Variants in PUS7L observed in about 807,000 individuals in gnomAD.
The protein encoded by PUS7L is pseudouridine synthase 7 like.
In PUS7L, 49 loss-of-function variants were observed where a neutral mutation model predicts 51.1. The ratio of observed to expected loss-of-function variants is 0.96; its 90% CI spans 0.76 to 1.22. The LOEUF (loss-of-function observed/expected upper bound fraction) is 1.22, where lower values mean the gene tolerates loss of function less well. Among genes scored for constraint, PUS7L ranks in the 50% most tolerant of loss-of-function variants. PUS7L has a pLI of 0.00. For synonymous variants in PUS7L, 277 were observed against 276.2 expected, an observed-to-expected ratio of 1.00 and a Z score of -0.03; for missense variants, 828 against 820.6, an observed-to-expected ratio of 1.01 and a Z score of -0.11.
intron 2 of PUS7L, among the ~76,000 whole-genome samples, chr12:43,754,075 A>G (rs1343471166): frequency 6.6e-6 from 1 of 152,222 alleles, no homozygotes; most frequent in Non-Finnish European, 1.5e-5. Flanking sequence ...ATTTGTGAAT[A>G]GGCTAATATA....
chr12:43,742,710 A>G, intron 4 of PUS7L, 155 bp from the exon 5 acceptor site: 6 of 914,988 alleles, frequency 6.6e-6, no homozygotes, highest in Non-Finnish European at 7.8e-6. Context: ...AAAATGCTGT[A>G]AATTAAAGAA....
chr12:43,747,342 ATTATT>A (rs1318624667), intron 3 of PUS7L, among the ~76,000 whole-genome samples: 13 of 152,216 alleles, frequency 8.5e-5, no homozygotes, highest in Admixed American at 2.6e-4. Flanking sequence ...ATCTAACAAT[ATTATT>A]TTATTTTATA....
intron 5 of PUS7L, 62 bp from the exon 6 acceptor site, chr12:43,738,453 A>G (rs1178373173): frequency 2.3e-6 from 2 of 875,580 alleles, no homozygotes; most frequent in Non-Finnish European, 3.8e-6. Context: ...TCTTTAAAAA[A>G]AGATGCAAAT....
chr12:43,724,882 T>C lies in PUS7L; in HGVS notation c.*5494A>G, dbSNP rs1156557593. On this transcript the variant is annotated 3_prime_UTR_variant, in exon 9 of 9. Transcript: ENST00000344862. ...AAATTTAGTTTTAAAGGAAACATAA[T>C]ACCATCACATAAACAGGAAGCCAGA... 1 of 152,178 alleles carries C rather than the reference T, an allele frequency of 6.6e-6. No homozygotes were observed. Among genetic ancestry groups the C allele is most frequent in the East Asian group, 1.9e-4 (1 of 5,204 alleles). 9.4% of individuals were successfully genotyped at this position (152,178 alleles called of 1,614,324 possible). A position where few individuals can be genotyped will look rare whatever the true frequency, so the allele number is the denominator to read the frequency against.
chr12:43,738,026 T>C (rs1937694214), intron 6 of PUS7L: 1 of 276,058 alleles, frequency 3.6e-6, no homozygotes, highest in Admixed American at 4.9e-5. Flanking sequence ...CAGATTCGAA[T>C]TTGGAACTCT....
intron 4 of PUS7L, among the ~76,000 whole-genome samples, chr12:43,743,556 G>A (rs951536502): frequency 6.6e-6 from 1 of 152,180 alleles, no homozygotes; most frequent in Non-Finnish European, 1.5e-5. Flanking sequence ...GAGCTCAGGA[G>A]ATGGAGACCA....
Position 43,755,052 on chromosome 12 carries a change from T to C in PUS7L, c.194A>G (p.Asn65Ser). ...FKISEIQLEP[N>S]NFPKKPKLDL... ...TAGTTTTGGTTTTTTGGGAAAATTA[T>C]TTGGCTCAAGTTGTATTTCACTAAT... Residue 65 changes from asparagine to serine, a missense_variant, in exon 2 of 9, where the codon AAT (asparagine) becomes AGT (serine). Transcript: ENST00000344862. The C allele has an allele frequency of 6.2e-7, 1 of 1,613,306 alleles. No individual in the cohort carries two copies. The highest frequency in any genetic ancestry group is 8.5e-7 in the Non-Finnish European group (1 of 1,179,624).
At position 43,754,675 on chromosome 12, in the gene PUS7L, T is replaced by C; in HGVS notation, c.571A>G (p.Lys191Glu). Reference protein sequence around the residue: ...QKFPFLVTVGKNSEIVVKPNL... With the variant: ...QKFPFLVTVGENSEIVVKPNL... ...GGTTTTACAACAATTTCACTGTTTT[T>C]TCCTACAGTTACTAAAAATGGAAAT... Residue 191 changes from lysine to glutamate, a missense_variant, in exon 2 of 9, where the codon AAA becomes GAA. Physicochemically the swap from Lys to Glu is moderately conservative, Grantham distance 56. Transcript: ENST00000344862. The C allele has an allele frequency of 6.2e-7, 1 of 1,613,806 alleles. No individual in the cohort carries two copies. The highest frequency in any genetic ancestry group is 8.5e-7 in the Non-Finnish European group (1 of 1,179,756).
At position 43,721,083 on chromosome 12, in the gene PUS7L, A is replaced by C. The variant is rs538728914; in HGVS notation, c.*9293T>G. On this transcript the variant is annotated 3_prime_UTR_variant, in exon 9 of 9. Coordinates refer to ENST00000344862, the MANE Select transcript of PUS7L (RefSeq NM_031292.5). ...TCCCCAACTTTCCTTAATGTCATAAAGTTTTAGAAATATGCAGATAAATTC... is the reference window on the plus strand; with the variant it reads ...TCCCCAACTTTCCTTAATGTCATAACGTTTTAGAAATATGCAGATAAATTC... 2.1e-4 allele frequency: 32 copies of C among 152,286 alleles called. No individual in the cohort carries two copies. The highest frequency in any genetic ancestry group is 7.2e-4 in the African/African-American group (30 of 41,548). The allele number at this position is 152,286 out of a possible 1,614,324, so 9.4% of individuals were successfully genotyped here.
At chr12:43,743,070 C>T (rs572588944) in intron 4 of PUS7L, among the ~76,000 whole-genome samples, 25 of 152,316 alleles carry the variant, frequency 1.6e-4, no homozygotes, top group Non-Finnish European at 3.2e-4. Flanking sequence ...AATGGAGCCA[C>T]TTCAGCAGTA....
chr12:43,750,477 A>G (rs1668661275), intron 2 of PUS7L, among the ~76,000 whole-genome samples: 1 of 152,254 alleles, frequency 6.6e-6, no homozygotes, highest in African/African-American at 2.4e-5. Flanking sequence ...AAGGGTCACT[A>G]AATTTATAAG....
At chr12:43,750,715 T>C (rs747464974) in intron 2 of PUS7L, among the ~76,000 whole-genome samples, 4 of 152,100 alleles carry the variant, frequency 2.6e-5, no homozygotes, top group Non-Finnish European at 4.4e-5. Flanking sequence ...CACAAAACTG[T>C]AATCTAAAAG....
intron 2 of PUS7L, among the ~76,000 whole-genome samples, chr12:43,751,776 G>C (rs1366494236): frequency 2.0e-5 from 3 of 152,176 alleles, no homozygotes; most frequent in Non-Finnish European, 4.4e-5. Flanking sequence ...TTGCCACACT[G>C]TCTTCCACAA....
Position 43,722,378 on chromosome 12 carries a change from C to T in PUS7L, c.*7998G>A, listed in dbSNP as rs1944407191. 6.6e-6 allele frequency: 1 copy of T among 151,906 alleles called. No homozygotes were observed. Among genetic ancestry groups the T allele is most frequent in the South Asian group, 2.1e-4 (1 of 4,816 alleles). 9.4% of individuals were successfully genotyped at this position (151,906 alleles called of 1,614,324 possible). A position where few individuals can be genotyped will look rare whatever the true frequency, so the allele number is the denominator to read the frequency against. ...GACTAGAGTGAAAAACGAAGGCCAC[C>T]CAGTTAGAACATTATTATAATCATC... On this transcript the variant is annotated 3_prime_UTR_variant, in exon 9 of 9. Transcript: ENST00000344862.
Position 43,729,854 on chromosome 12 carries a change from T to A in PUS7L, c.*522A>T, listed in dbSNP as rs761314127. The stretch of plus-strand genomic sequence containing the variant: ...TCTCACAAAGAGGTAATAACTACTC[T>A]GGGGTATCTATCACAAACAGAGGTA... On this transcript the variant is annotated 3_prime_UTR_variant, in exon 9 of 9. Transcript: ENST00000344862. The A allele has an allele frequency of 6.5e-6, 1 of 153,768 alleles. No individual in the cohort carries two copies. The highest frequency in any genetic ancestry group is 2.0e-4 in the South Asian group (1 of 4,900). 9.5% of individuals were successfully genotyped at this position (153,768 alleles called of 1,614,324 possible).
chr12:43,753,186 C>T (rs1313969553), intron 2 of PUS7L, among the ~76,000 whole-genome samples: 5 of 152,008 alleles, frequency 3.3e-5, no homozygotes, highest in Non-Finnish European at 7.4e-5. Flanking sequence ...TACTATATGC[C>T]TAATATTAAG....
chr12:43,753,453 C>T (rs1390744486), intron 2 of PUS7L, among the ~76,000 whole-genome samples: 1 of 152,182 alleles, frequency 6.6e-6, no homozygotes, highest in Non-Finnish European at 1.5e-5. Flanking sequence ...GGTCCAAACT[C>T]TTTTCATTTG....
Position 43,729,337 on chromosome 12 carries a change from A to G in PUS7L, c.*1039T>C, listed in dbSNP as rs559468259. ...AGTATATATATCACATTACTGATAT[A>G]TAATGCTCCATACTGCTTTTTAAAT... On this transcript the variant is annotated 3_prime_UTR_variant, in exon 9 of 9. Transcript: ENST00000344862. 4 of 393,454 alleles carry G rather than the reference A, an allele frequency of 1.0e-5. No individual in the cohort carries two copies. Among genetic ancestry groups the G allele is most frequent in the Admixed American group, 4.4e-5 (1 of 22,594 alleles). 24.4% of individuals were successfully genotyped at this position (393,454 alleles called of 1,614,324 possible). A position where few individuals can be genotyped will look rare whatever the true frequency, so the allele number is the denominator to read the frequency against.
chr12:43,744,255 CA>C (rs1938056347), intron 4 of PUS7L, among the ~76,000 whole-genome samples: 1 of 152,134 alleles, frequency 6.6e-6, no homozygotes, highest in African/African-American at 2.4e-5. Flanking sequence ...GTGTCCTCAC[CA>C]AATTTCATCT....
Sources: gnomAD v4.1 joint callset for allele counts (sites outside exome capture counted in the v4.1 genomes callset) on GRCh38, gnomAD v4.1.1 for gene constraint, MANE v1.5 for transcripts, NCBI Gene and HGNC (gene_info 2026-07-23, HGNC 2026-07-21) for gene names.